LRRTM3: variants seen among roughly 807,000 people sequenced by gnomAD.
LRRTM3 encodes leucine rich repeat transmembrane neuronal 3.
Under a neutral mutation model 44.7 loss-of-function variants are expected in LRRTM3, and 24 were observed. That is an observed-to-expected ratio of 0.54 (90% CI 0.39 to 0.76). The LOEUF is 0.76. LRRTM3 is among the 30% of genes least tolerant of loss of function. LRRTM3 has a pLI of 0.00. For missense variants in LRRTM3, 587 were observed against 702.2 expected (o/e 0.84, Z 1.85); for synonymous variants, 277 against 278.7 (o/e 0.99, Z 0.06).
At chr10:66,979,513 C>T (rs1375497089) in intron 2 of LRRTM3, among the ~76,000 whole-genome samples, 1 of 152,112 alleles carries the variant, frequency 6.6e-6, no homozygotes, top group African/African-American at 2.4e-5. Flanking sequence ...GCCCAGGGTG[C>T]AGACTCAGGC....
rs1237174158 is a variant in LRRTM3 at position 67,099,299 on chromosome 10, T to TTA, written c.*1505_*1506dup. The TTA allele has an allele frequency of 6.6e-6, 1 of 151,738 alleles. No individual in the cohort carries two copies. The highest frequency in any genetic ancestry group is 1.5e-5 in the Non-Finnish European group (1 of 67,790). The allele number at this position is 151,738 out of a possible 1,614,324, so 9.4% of individuals were successfully genotyped here. On this transcript the variant is annotated 3_prime_UTR_variant, in exon 3 of 3. Transcript: ENST00000361320. ...GTTATTGTTTGAAAATATTGTTACT[T>TTA]TATCAATAGTAATCATGCATTCTTG...
rs764923660 is a variant in LRRTM3, at chr10:66,926,977, A to C, written c.61A>C (p.Thr21Pro). The C allele has an allele frequency of 6.2e-7, 1 of 1,614,070 alleles. No individual in the cohort carries two copies. Among genetic ancestry groups the C allele is most frequent in the African/African-American group, 1.3e-5 (1 of 75,042 alleles). ...AGCTGTAGCACTGGTTATAGCCCCCACTGTCTTACTGACAATGCTTTCTTC... is the reference window on the plus strand; with the variant it reads ...AGCTGTAGCACTGGTTATAGCCCCCCCTGTCTTACTGACAATGCTTTCTTC... ...GSAVALVIAP[T>P]VLLTMLSSAE... Residue 21 changes from threonine (T) to proline (P), a missense_variant, in exon 2 of 3, where the codon ACT becomes CCT. By Grantham distance (38) the Thr-to-Pro change is conservative. Coordinates refer to ENST00000361320, the MANE Select transcript of LRRTM3 (RefSeq NM_178011.5).
chr10:66,975,755 T>G (rs937530940), intron 2 of LRRTM3, among the ~76,000 whole-genome samples: 1 of 152,192 alleles, frequency 6.6e-6, no homozygotes, highest in African/African-American at 2.4e-5. Context: ...TCTTTATTCT[T>G]GGCTGTTTCC....
At chr10:67,052,149 G>C (rs545275045) in intron 2 of LRRTM3, among the ~76,000 whole-genome samples, 1 of 152,226 alleles carries the variant, frequency 6.6e-6, no homozygotes, top group Admixed American at 6.5e-5. Flanking sequence ...TACAAGCATT[G>C]AGTTTTCTTT....
At chr10:67,004,594 G>A (rs114908690) in intron 2 of LRRTM3, among the ~76,000 whole-genome samples, 5 of 151,742 alleles carry the variant, frequency 3.3e-5, no homozygotes, top group Non-Finnish European at 7.4e-5. Flanking sequence ...ACCTTGATCC[G>A]TTCTAATAGA....
chr10:66,948,531 C>T (rs1301993659), intron 2 of LRRTM3, among the ~76,000 whole-genome samples: 1 of 152,152 alleles, frequency 6.6e-6, no homozygotes, highest in Non-Finnish European at 1.5e-5. Context: ...TAAAGATCTA[C>T]TTGGGAAGAT....
chr10:67,047,839 C>A (rs1287870543), intron 2 of LRRTM3, among the ~76,000 whole-genome samples: 1 of 151,900 alleles, frequency 6.6e-6, no homozygotes, highest in Non-Finnish European at 1.5e-5. Flanking sequence ...AAGTTTCAAC[C>A]AGTTTTCCTG....
chr10:67,032,669 A>T (rs770305580), intron 2 of LRRTM3, among the ~76,000 whole-genome samples: 15 of 152,210 alleles, frequency 9.9e-5, no homozygotes, highest in Non-Finnish European at 1.9e-4. Flanking sequence ...ACATTATTCA[A>T]ATTGAATCTG....
intron 2 of LRRTM3, among the ~76,000 whole-genome samples, chr10:66,942,704 C>T (rs188752279): frequency 1.3e-5 from 2 of 152,074 alleles, no homozygotes; most frequent in Admixed American, 1.3e-4. Flanking sequence ...ACATATCACA[C>T]CTTCCCATAC....
chr10:66,931,239 A>C (rs1847371868), intron 2 of LRRTM3, among the ~76,000 whole-genome samples: 1 of 151,362 alleles, frequency 6.6e-6, no homozygotes, highest in Non-Finnish European at 1.5e-5. Context: ...ATACAACAGA[A>C]CACAGAATAC....
At chr10:67,032,148 G>A (rs777957275) in intron 2 of LRRTM3, among the ~76,000 whole-genome samples, 2 of 152,054 alleles carry the variant, frequency 1.3e-5, no homozygotes, top group Non-Finnish European at 2.9e-5. Context: ...GAGAACCTGA[G>A]GCCTAGAAAA....
chr10:67,087,031 G>A (rs929914996), intron 2 of LRRTM3, among the ~76,000 whole-genome samples: 15 of 151,972 alleles, frequency 9.9e-5, no homozygotes, highest in Non-Finnish European at 2.2e-4. Context: ...TGAAGAAACG[G>A]ATTTGGAAAC....
intron 2 of LRRTM3, among the ~76,000 whole-genome samples, chr10:67,032,861 A>G (rs1001965795): frequency 6.6e-5 from 10 of 152,210 alleles, no homozygotes; most frequent in Non-Finnish European, 1.3e-4. Context: ...CAAGCTTTTC[A>G]GCTGTATATT....
At chr10:67,080,186 C>A (rs191474379) in intron 2 of LRRTM3, among the ~76,000 whole-genome samples, 1 of 152,136 alleles carries the variant, frequency 6.6e-6, no homozygotes, top group South Asian at 2.1e-4. Flanking sequence ...ATTCCTTTTA[C>A]GTGAGCTACT....
chr10:66,940,193 T>C (rs1847926813), intron 2 of LRRTM3, among the ~76,000 whole-genome samples: 1 of 152,116 alleles, frequency 6.6e-6, no homozygotes, highest in South Asian at 2.1e-4. Context: ...TAATCTACTT[T>C]AGATTCAAAA....
chr10:67,031,352 G>GA (rs1853714661), intron 2 of LRRTM3, among the ~76,000 whole-genome samples: 1 of 152,122 alleles, frequency 6.6e-6, no homozygotes, highest in Non-Finnish European at 1.5e-5. Context: ...GCAGATGATA[G>GA]AAAAAATCAG....
At chr10:66,967,853 G>A (rs1849521255) in intron 2 of LRRTM3, among the ~76,000 whole-genome samples, 1 of 152,024 alleles carries the variant, frequency 6.6e-6, no homozygotes. Context: ...CTACAACAAT[G>A]AGTAGTTAAT....
chr10:67,018,754 T>C (rs1465585107), intron 2 of LRRTM3, among the ~76,000 whole-genome samples: 1 of 152,216 alleles, frequency 6.6e-6, no homozygotes, highest in African/African-American at 2.4e-5. Flanking sequence ...GTTGTGAAGA[T>C]TAAAGGAGTT....
intron 2 of LRRTM3, among the ~76,000 whole-genome samples, chr10:66,953,935 A>C (rs1214104501): frequency 6.6e-6 from 1 of 152,192 alleles, no homozygotes; most frequent in African/African-American, 2.4e-5. Context: ...GGATAATAAT[A>C]AAATCTATCT....
Sources: gnomAD v4.1 joint callset for allele counts (sites outside exome capture counted in the v4.1 genomes callset) on GRCh38, gnomAD v4.1.1 for gene constraint, MANE v1.5 for transcripts, NCBI Gene and HGNC (gene_info 2026-07-23, HGNC 2026-07-21) for gene names.